BPIFC: variants seen among roughly 807,000 people sequenced by gnomAD.
The protein encoded by BPIFC is BPI fold-containing family C protein.
BPIFC carries 60 observed loss-of-function variants against 57.6 expected under a neutral mutation model. The ratio of observed to expected loss-of-function variants is 1.04; its 90% CI spans 0.85 to 1.29. The LOEUF (loss-of-function observed/expected upper bound fraction) is 1.29. Ranked by LOEUF, BPIFC falls within the 50% of genes most tolerant of loss-of-function variation. The probability of loss-of-function intolerance (pLI) is 0.00; values close to 1 mark genes in which losing one functional copy is unlikely to be tolerated. For synonymous variants in BPIFC, 243 were observed against 224.5 expected, an observed-to-expected ratio of 1.08 and a Z score of -0.74; for missense variants, 581 against 600.5, an observed-to-expected ratio of 0.97 and a Z score of 0.34.
rs16990482 is a variant in BPIFC at position 32,447,102 on chromosome 22, A to T, written c.374+110T>A. On this transcript the variant is annotated intron_variant, in intron 5 of 16. Coordinates refer to ENST00000300399, the MANE Select transcript of BPIFC (RefSeq NM_174932.3). ...AAAAATGCTTTTGAGAAAGATTGTT[A>T]ATAATGAGGGAAAGAAGCCTATTGC... is the stretch of plus-strand genomic sequence containing the variant. The T allele has an allele frequency of 5.4e-3, 7,297 of 1,357,584 alleles. 46 individuals carry two copies. Among genetic ancestry groups the T allele is most frequent in the African/African-American group, 0.031 (2,122 of 68,542 alleles). The allele number at this position is 1,357,584 out of a possible 1,614,324, so 84.1% of individuals were successfully genotyped here.
intron 16 of BPIFC, among the ~76,000 whole-genome samples, chr22:32,415,388 C>A (rs1933643245): frequency 6.6e-6 from 1 of 151,918 alleles, no homozygotes; most frequent in South Asian, 2.1e-4. Context: ...AACAACAATG[C>A]CAAAAAGAAA....
At position 32,414,422 on chromosome 22, in the gene BPIFC, A is replaced by T. The variant is rs1211603375; in HGVS notation, c.1405T>A (p.Phe469Ile). The stretch of plus-strand genomic sequence containing the variant: ...TTCAGGTCGGTGGAAATCAAAAGGA[A>T]ACCCTGGAAAGGATGTGACAATGAA... ...VNSDIEVLEGFLLISTDLKYE... is the reference protein window; with the variant it reads ...VNSDIEVLEGILLISTDLKYE... The change falls in exon 17 of 17, where the codon TTC becomes ATC. Residue 469 changes from phenylalanine (F) to isoleucine (I), a missense_variant. Physicochemically the swap from Phe to Ile is conservative, Grantham distance 21. Coordinates refer to ENST00000300399, the MANE Select transcript of BPIFC (RefSeq NM_174932.3). 1 of 1,613,394 alleles carries T rather than the reference A, an allele frequency of 6.2e-7. No individual in the cohort carries two copies. The highest frequency in any genetic ancestry group is 1.1e-5 in the South Asian group (1 of 91,006).
chr22:32,453,593 G>A (rs2145962636), intron 3 of BPIFC, 90 bp from the exon 4 acceptor site: 1 of 1,414,064 alleles, frequency 7.1e-7, no homozygotes, highest in South Asian at 1.6e-5. Flanking sequence ...TTTATTGAGT[G>A]AGACATGCCC....
At position 32,435,819 on chromosome 22, in the gene BPIFC, A is replaced by G; in HGVS notation, c.809T>C (p.Leu270Pro). The change falls in exon 10 of 17, where the codon CTC becomes CCC. Residue 270 changes from leucine to proline, a missense_variant. Coordinates refer to ENST00000300399, the MANE Select transcript of BPIFC (RefSeq NM_174932.3). ...GAGCATGGAGTTGCTGCGTTCTGGGAGCACAAAAGGAACTGGTGAGAAGGG... is the reference window on the plus strand; with the variant it reads ...GAGCATGGAGTTGCTGCGTTCTGGGGGCACAAAAGGAACTGGTGAGAAGGG... ...DPPFSPVPFVLPERSNSMLYI... is the reference protein window; with the variant it reads ...DPPFSPVPFVPPERSNSMLYI... 1.2e-6 allele frequency: 2 copies of G among 1,614,190 alleles called. No homozygotes were observed. The highest frequency in any genetic ancestry group is 8.5e-7 in the Non-Finnish European group (1 of 1,180,040).
chr22:32,416,365 G>A (rs1482740674), intron 15 of BPIFC, among the ~76,000 whole-genome samples: 1 of 152,154 alleles, frequency 6.6e-6, no homozygotes, highest in Non-Finnish European at 1.5e-5. Flanking sequence ...TTACAGGCGT[G>A]AGCCACTGAG....
intron 13 of BPIFC, among the ~76,000 whole-genome samples, chr22:32,424,659 CTTCTTCTTCTTCT>C (rs1569447999): frequency 0.022 from 1,444 of 65,346 alleles, 397 homozygotes; most frequent in African/African-American, 0.13. Flanking sequence ...TCTTCTTCTT[CTTCTTCTTCTTCT>C]TCTTCTTCTT....
intron 13 of BPIFC, among the ~76,000 whole-genome samples, chr22:32,424,640 TTC>T (rs376018739): frequency 0.01 from 420 of 40,876 alleles, 65 homozygotes; most frequent in East Asian, 0.045. Flanking sequence ...CTTCTTCTTC[TTC>T]TCTTCTTCTT....
intron 14 of BPIFC, among the ~76,000 whole-genome samples, 157 bp downstream of exon 14, chr22:32,419,201 CAATT>C (rs1376321404): frequency 6.6e-6 from 1 of 152,046 alleles, no homozygotes; most frequent in East Asian, 1.9e-4. Flanking sequence ...TTAATGGGCT[CAATT>C]GATGAGTAGC....
At chr22:32,438,218 GTC>G (rs371086469) in intron 8 of BPIFC, among the ~76,000 whole-genome samples, 341 of 148,070 alleles carry the variant, frequency 2.3e-3, no homozygotes, top group African/African-American at 7.5e-3. Flanking sequence ...TGTGAATGTG[GTC>G]TCTCTCTCTC....
chr22:32,441,164 T>G (rs1185553537), intron 8 of BPIFC, among the ~76,000 whole-genome samples: 2 of 152,090 alleles, frequency 1.3e-5, no homozygotes, highest in Non-Finnish European at 2.9e-5. Flanking sequence ...AGGGTTTTTG[T>G]GCCTGCAGTT....
intron 16 of BPIFC, among the ~76,000 whole-genome samples, chr22:32,415,469 A>G (rs57467712): frequency 0.035 from 5,273 of 152,302 alleles, 291 homozygotes; most frequent in African/African-American, 0.12. Context: ...CCTGAACTCA[A>G]AGGTGTGTGC....
intron 13 of BPIFC, among the ~76,000 whole-genome samples, chr22:32,424,659 CTTCTTCT>C (rs1569447992): frequency 7.7e-5 from 5 of 65,350 alleles, no homozygotes; most frequent in East Asian, 9.9e-4. Context: ...TCTTCTTCTT[CTTCTTCT>C]TCTTCTTCTT....
chr22:32,452,293 T>C (rs550222359), intron 4 of BPIFC, among the ~76,000 whole-genome samples: 2 of 152,298 alleles, frequency 1.3e-5, no homozygotes, highest in East Asian at 3.9e-4. Context: ...ATCAGAGCAT[T>C]AGCCAGAAAC....
rs1249414012 is a variant in BPIFC at position 32,414,289 on chromosome 22, T to C, written c.*14A>G. 6.2e-7 allele frequency: 1 copy of C among 1,612,660 alleles called. No individual in the cohort carries two copies. On this transcript the variant is annotated 3_prime_UTR_variant, in exon 17 of 17. Transcript: ENST00000300399. ...AGGACCATTTACTTCCTGGGGTGAA[T>C]TGCAAACCGGCAATCAAGGGGCTGA...
At chr22:32,430,796 C>T (rs1044488494) in intron 13 of BPIFC, among the ~76,000 whole-genome samples, 2 of 151,928 alleles carry the variant, frequency 1.3e-5, no homozygotes, top group East Asian at 1.9e-4. Context: ...GTGCACACCA[C>T]GCCTAGCTAA....
rs991518603 is a variant in BPIFC at position 32,423,034 on chromosome 22, G to C, written c.1218-3630C>G. On this transcript the variant is annotated intron_variant, in intron 13 of 16. Transcript: ENST00000300399. ...GAGCGGATGAAGGACATGGGTTGGG[G>C]AGTGTTTGTTGGAATTGGGGTCACT... Among the ~76,000 whole-genome samples the C allele has an allele frequency of 3.3e-5, 5 of 152,198 alleles. No individual in the cohort carries two copies. In the South Asian group the frequency reaches 1.0e-3, roughly 32 times the overall value.
In BPIFC at chr22:32,415,942, G is replaced by A. The variant is rs1186221264; in HGVS notation, c.1374C>T (p.Phe458=). The A allele has an allele frequency of 2.5e-6, 4 of 1,594,024 alleles. No homozygotes were observed. Among genetic ancestry groups the A allele is most frequent in the Admixed American group, 1.8e-5 (1 of 56,290 alleles). The change falls in exon 16 of 17, where the codon TTC becomes TTT. Residue 458 remains phenylalanine, a synonymous_variant. Coordinates refer to ENST00000300399, the MANE Select transcript of BPIFC (RefSeq NM_174932.3). ...CAAGAACTTCAATATCTGAATTGAC[G>A]AATAAGAATTTGTGTGGATTGGACA... ...FPLSNPHKFL[F]VNSDIEVLEG... is the part of the protein sequence containing the mutation.
intron 14 of BPIFC, among the ~76,000 whole-genome samples, chr22:32,417,497 A>G (rs891817279): frequency 6.6e-6 from 1 of 152,222 alleles, no homozygotes; most frequent in African/African-American, 2.4e-5. Flanking sequence ...CGAAAGTACC[A>G]TGCCTGGTTT....
intron 9 of BPIFC, among the ~76,000 whole-genome samples, chr22:32,436,413 AAAG>A (rs1934403094): frequency 1.4e-5 from 2 of 139,940 alleles, no homozygotes; most frequent in African/African-American, 2.6e-5. Context: ...GGAGGAGGGA[AAAG>A]AAGGAGAAGG....
Sources: gnomAD v4.1 joint callset for allele counts (sites outside exome capture counted in the v4.1 genomes callset) on GRCh38, gnomAD v4.1.1 for gene constraint, MANE v1.5 for transcripts, NCBI Gene and HGNC (gene_info 2026-07-23, HGNC 2026-07-21) for gene names.